Variants in ZNF385D observed in about 807,000 individuals in gnomAD.
The protein encoded by ZNF385D is zinc finger protein 385D, also known as zinc finger protein 659.
In ZNF385D, 15 loss-of-function variants were observed where a neutral mutation model predicts 35.8. That is an observed-to-expected ratio of 0.42 (90% CI 0.28 to 0.64). The LOEUF (loss-of-function observed/expected upper bound fraction) is 0.64. Among genes scored for constraint, ZNF385D ranks in the 30% least tolerant of loss-of-function variants. ZNF385D has a pLI of 0.23. For missense variants in ZNF385D, 474 were observed against 494.6 expected, an observed-to-expected ratio of 0.96 and a Z score of 0.39; for synonymous variants, 212 against 186.8, an observed-to-expected ratio of 1.13 and a Z score of -1.10.
At chr3:21,653,833 C>CTA (rs1201164802) in intron 2 of ZNF385D, among the ~76,000 whole-genome samples, 1 of 151,826 alleles carries the variant, frequency 6.6e-6, no homozygotes, top group Non-Finnish European at 1.5e-5. Flanking sequence ...TACATAAATT[C>CTA]TATATATGTT....
intron 4 of ZNF385D, among the ~76,000 whole-genome samples, chr3:21,442,257 A>G (rs1444468406): frequency 6.6e-6 from 1 of 152,178 alleles, no homozygotes; most frequent in Non-Finnish European, 1.5e-5. Context: ...CTGAAGTGGA[A>G]AAACCATAGG....
At chr3:21,611,144 T>A (rs2064664676) in intron 2 of ZNF385D, among the ~76,000 whole-genome samples, 1 of 152,262 alleles carries the variant, frequency 6.6e-6, no homozygotes, top group African/African-American at 2.4e-5. Flanking sequence ...TTTATCCTGT[T>A]GCCTTTGCAG....
chr3:21,676,426 C>T (rs2066731960), intron 1 of ZNF385D, among the ~76,000 whole-genome samples: 1 of 151,986 alleles, frequency 6.6e-6, no homozygotes, highest in African/African-American at 2.4e-5. Context: ...AACATTTAGT[C>T]TTTGGAGAAG....
rs563701686 is a variant in ZNF385D, at chr3:21,522,314, G to A, written c.277-11291C>T. On this transcript the variant is annotated intron_variant, in intron 3 of 7. Coordinates refer to ENST00000281523, the MANE Select transcript of ZNF385D (RefSeq NM_024697.3). ...CCCAGACTTAGAAAAATATTTGGTG[G>A]ACCCACAGAAAGCATTGCTTTTGTT... is the stretch of plus-strand genomic sequence containing the variant. Among the ~76,000 whole-genome samples the A allele has an allele frequency of 8.6e-5, 13 of 151,994 alleles. No homozygotes were observed. In the South Asian group the frequency reaches 2.7e-3, roughly 32 times the overall value.
intron 3 of ZNF385D, among the ~76,000 whole-genome samples, chr3:21,807,091 C>A (rs528430113): frequency 2.0e-5 from 3 of 152,034 alleles, no homozygotes; most frequent in African/African-American, 7.3e-5. Flanking sequence ...ACAGTGCCAT[C>A]CAGTAAAAAT....
intron 2 of ZNF385D, among the ~76,000 whole-genome samples, chr3:22,266,789 T>G (rs2125354487): frequency 6.6e-6 from 1 of 152,036 alleles, no homozygotes; most frequent in South Asian, 2.1e-4. Context: ...TGCTCAGATA[T>G]TATCGGTAAG....
rs1243219631 is a variant in ZNF385D at position 21,880,258 on chromosome 3, C to T, written c.326-215230G>A. On this transcript the variant is annotated intron_variant, in intron 3 of 5. Coordinates refer to the ZNF385D transcript ENST00000494108. ...TTATACCTCATTTTATTGCACTTTG[C>T]TTTACTGTGTTTCACAGATACTGTG... Among the ~76,000 whole-genome samples, 5 of 151,966 alleles carry T rather than the reference C, an allele frequency of 3.3e-5. No homozygotes were observed. In the East Asian group the frequency reaches 7.7e-4, roughly 24 times the overall value.
At chr3:22,362,289 T>C (rs1696447557) in intron 2 of ZNF385D, among the ~76,000 whole-genome samples, 2 of 150,894 alleles carry the variant, frequency 1.3e-5, no homozygotes, top group African/African-American at 4.8e-5. Context: ...GCATTGATTT[T>C]TTTTTATTTA....
intron 3 of ZNF385D, among the ~76,000 whole-genome samples, chr3:21,813,487 C>T (rs1293773579): frequency 6.6e-6 from 1 of 152,116 alleles, no homozygotes; most frequent in Non-Finnish European, 1.5e-5. Flanking sequence ...CTAGAATCAA[C>T]AGTGTACAGA....
chr3:21,934,238 G>A (rs896796802), intron 3 of ZNF385D, among the ~76,000 whole-genome samples: 6 of 152,100 alleles, frequency 3.9e-5, no homozygotes, highest in Non-Finnish European at 8.8e-5. Flanking sequence ...TATTGTTGAA[G>A]TATATTTTTT....
At chr3:21,663,915 A>ATATATATATATATATATATATATATT (rs1159950305) in intron 2 of ZNF385D, among the ~76,000 whole-genome samples, 206 of 105,692 alleles carry the variant, frequency 1.9e-3, no homozygotes, top group African/African-American at 2.6e-3. Flanking sequence ...ATATATATAT[A>ATATATATATATATATATATATATATT]TATTTATTTA....
chr3:21,852,583 T>C (rs1696450018), intron 3 of ZNF385D, among the ~76,000 whole-genome samples: 1 of 151,938 alleles, frequency 6.6e-6, no homozygotes, highest in African/African-American at 2.4e-5. Flanking sequence ...AAAATGTTGC[T>C]ATACCACATA....
chr3:21,544,050 TAAAG>T lies in ZNF385D; in HGVS notation c.276+20520_276+20523del, dbSNP rs375356566. ...AAAAAGAGTTCTAATTAATTTGTCCTAAAGAAAGACAAGCACTTGGATCTAATAT... is the reference window on the plus strand; with the variant it reads ...AAAAAGAGTTCTAATTAATTTGTCCTAAAGACAAGCACTTGGATCTAATAT... On this transcript the variant is annotated intron_variant, in intron 3 of 7. Coordinates refer to ENST00000281523, the MANE Select transcript of ZNF385D (RefSeq NM_024697.3). Among the ~76,000 whole-genome samples the T allele has an allele frequency of 7.3e-4, 111 of 152,316 alleles. 1 individual carries two copies. Among genetic ancestry groups the T allele is most frequent in the African/African-American group, 2.6e-3 (109 of 41,572 alleles).
intron 2 of ZNF385D, among the ~76,000 whole-genome samples, chr3:22,196,318 G>C (rs1158938161): frequency 6.6e-6 from 1 of 151,828 alleles, no homozygotes; most frequent in East Asian, 1.9e-4. Context: ...AATATTCTTT[G>C]TCATTCTTTT....
chr3:21,963,464 C>T (rs374335560), intron 3 of ZNF385D, among the ~76,000 whole-genome samples: 1 of 152,156 alleles, frequency 6.6e-6, no homozygotes, highest in East Asian at 1.9e-4. Flanking sequence ...CTATCATTAT[C>T]CAAATTAACA....
intron 3 of ZNF385D, among the ~76,000 whole-genome samples, chr3:22,024,808 G>A (rs1083627): frequency 0.012 from 1,775 of 152,262 alleles, 21 homozygotes; most frequent in Non-Finnish European, 0.018. Context: ...CCTAAGTTCA[G>A]TGAACAAAGT....
At chr3:22,091,064 G>C (rs150262131) in intron 3 of ZNF385D, among the ~76,000 whole-genome samples, 1 of 152,226 alleles carries the variant, frequency 6.6e-6, no homozygotes, top group East Asian at 1.9e-4. Flanking sequence ...CAGGTGTTAG[G>C]CCAAGAAGCA....
At chr3:21,563,061 CAT>C in intron 3 of ZNF385D, among the ~76,000 whole-genome samples, 1 of 152,060 alleles carries the variant, frequency 6.6e-6, no homozygotes, top group Admixed American at 6.5e-5. Flanking sequence ...CTGGAAAATT[CAT>C]ATGTTGAGAT....
At chr3:22,184,307 G>C (rs1695481329) in intron 2 of ZNF385D, among the ~76,000 whole-genome samples, 1 of 152,212 alleles carries the variant, frequency 6.6e-6, no homozygotes, top group East Asian at 1.9e-4. Context: ...TGACGTCAGG[G>C]CAACATGGTG....
Sources: allele counts gnomAD v4.1 joint callset (sites outside exome capture counted in the v4.1 genomes callset), GRCh38; gene constraint gnomAD v4.1.1; transcripts MANE v1.5; gene names NCBI Gene and HGNC (gene_info 2026-07-23, HGNC 2026-07-21).